Variants in ZFP62 observed in about 807,000 individuals in gnomAD.
ZFP62 encodes zinc finger protein 62 homolog.
Under a neutral mutation model 56.4 loss-of-function variants are expected in ZFP62, and 44 were observed. The ratio of observed to expected loss-of-function variants is 0.78; its 90% CI spans 0.61 to 1.00. The LOEUF (loss-of-function observed/expected upper bound fraction) is 1.00. Among genes scored for constraint, ZFP62 ranks in the 50% least tolerant of loss-of-function variants. The pLI, the probability that ZFP62 is intolerant of heterozygous loss-of-function variation, is 0.00. For missense variants in ZFP62, 1,030 were observed against 1,085.7 expected (o/e 0.95, Z 0.72); for synonymous variants, 421 against 388.9 (o/e 1.08, Z -0.97).
At chr5:180,857,813 TA>T (rs201193050) in intron 1 of ZFP62, among the ~76,000 whole-genome samples, 2,700 of 125,568 alleles carry the variant, frequency 0.022, 73 homozygotes, top group African/African-American at 0.074. Context: ...TTTTTTTTTT[TA>T]AATTCAGACT....
At chr5:180,843,114 C>A, downstream of ZFP62, among the ~76,000 whole-genome samples, 1 of 148,436 alleles carries the variant, frequency 6.7e-6, no homozygotes. Flanking sequence ...AAAATAATAA[C>A]ATATTTTAAT....
At chr5:180,829,875 TACAC>T in the ZFP62 span, 1 of 152,212 alleles carries the variant, frequency 6.6e-6, no homozygotes, top group African/African-American at 2.4e-5. Context: ...CAGCTCCTCA[TACAC>T]ACAGCTCATT....
the ZFP62 span, chr5:180,831,585 G>A: frequency 1.3e-5 from 2 of 152,430 alleles, no homozygotes; most frequent in Non-Finnish European, 2.9e-5. Flanking sequence ...CGGGTCTCGC[G>A]GCTGCGGAGA....
chr5:180,829,531 G>A, the ZFP62 span, among the ~76,000 whole-genome samples: 3 of 152,200 alleles, frequency 2.0e-5, no homozygotes, highest in Admixed American at 6.5e-5. Flanking sequence ...TTCTCAGCCG[G>A]CCAACATTTA....
chr5:180,845,124 G>C (rs937922568), downstream of ZFP62, among the ~76,000 whole-genome samples: 2 of 151,914 alleles, frequency 1.3e-5, no homozygotes, highest in Admixed American at 1.3e-4. Flanking sequence ...CTTGAGGTCA[G>C]GAGTTCAAGA....
rs1773491899 is a variant in ZFP62 at position 180,848,340 on chromosome 5, T to C, written c.*452A>G. On this transcript the variant is annotated 3_prime_UTR_variant, in exon 2 of 2. Coordinates refer to ENST00000502412, the MANE Select transcript of ZFP62 (RefSeq NM_001172638.2). ...CCCTGAAACCTATCCTCCCTGAATTTGCCTGTTGGAGGCCCTTAGTTTTCC... is the reference window on the plus strand; with the variant it reads ...CCCTGAAACCTATCCTCCCTGAATTCGCCTGTTGGAGGCCCTTAGTTTTCC... 1.0e-6 allele frequency: 1 copy of C among 987,290 alleles called. No individual in the cohort carries two copies. Among genetic ancestry groups the C allele is most frequent in the South Asian group, 4.7e-5 (1 of 21,364 alleles). The allele number at this position is 987,290 out of a possible 1,614,324, so 61.2% of individuals were successfully genotyped here. A position where few individuals can be genotyped will look rare whatever the true frequency, so the allele number is the denominator to read the frequency against.
At position 180,849,514 on chromosome 5, in the gene ZFP62, T is replaced by G; in HGVS notation, c.1981A>C (p.Lys661Gln). Reference protein sequence around the residue: ...EKVFRNNSSLKVHKRIHTGER... With the variant: ...EKVFRNNSSLQVHKRIHTGER... Reference sequence around the variant, plus strand: ...CCAGTATGGATTCTTTTATGAACTTTAAGGCTTGAGTTGTTTCTGAAGACC... The same window carrying G: ...CCAGTATGGATTCTTTTATGAACTTGAAGGCTTGAGTTGTTTCTGAAGACC... The change falls in exon 2 of 2, where the codon AAA becomes CAA. Residue 661 changes from lysine to glutamine, a missense_variant. Coordinates refer to ENST00000502412, the MANE Select transcript of ZFP62 (RefSeq NM_001172638.2). 6.4e-7 allele frequency: 1 copy of G among 1,552,252 alleles called. No homozygotes were observed. Among genetic ancestry groups the G allele is most frequent in the Non-Finnish European group, 8.7e-7 (1 of 1,147,128 alleles).
At chr5:180,846,018 C>T (rs1225206406), downstream of ZFP62, 1 of 318,206 alleles carries the variant, frequency 3.1e-6, no homozygotes, top group African/African-American at 2.3e-5. Context: ...TTTCCCTCCC[C>T]CTTTATTTTT....
chr5:180,827,593 A>G, the ZFP62 span, among the ~76,000 whole-genome samples: 3 of 152,242 alleles, frequency 2.0e-5, no homozygotes, highest in Non-Finnish European at 4.4e-5. Context: ...GAGGAAAGCC[A>G]GGTATTGTCC....
chr5:180,835,711 T>C, the ZFP62 span: 1 of 152,256 alleles, frequency 6.6e-6, no homozygotes, highest in African/African-American at 2.4e-5. Context: ...ATAAACTTCT[T>C]GTGCAGTTTT....
rs187156768 is a variant in ZFP62 at position 180,848,792 on chromosome 5, C to T, written c.2703G>A (p.Ter901=). 33 of 1,521,686 alleles carry T rather than the reference C, an allele frequency of 2.2e-5. No individual in the cohort carries two copies. Among genetic ancestry groups the T allele is most frequent in the Admixed American group, 6.3e-5 (3 of 47,750 alleles). The allele number at this position is 1,521,686 out of a possible 1,614,324, so 94.3% of individuals were successfully genotyped here. The change falls in exon 2 of 2, where the codon TAG becomes TAA. Residue 901 remains the stop codon, a stop_retained_variant. Coordinates refer to ENST00000502412, the MANE Select transcript of ZFP62 (RefSeq NM_001172638.2). The part of the protein sequence containing the change: ...LDGGRMRMPL[*] ...GGAGAGACTTGGTAAGCTCTGCCTG[C>T]TACAGAGGCATCCTCATCCTGCCCC...
the ZFP62 span, among the ~76,000 whole-genome samples, chr5:180,832,319 A>C: frequency 6.6e-6 from 1 of 151,942 alleles, no homozygotes; most frequent in Non-Finnish European, 1.5e-5. Context: ...TGCCTGGCTA[A>C]TTTTTGCATT....
At chr5:180,843,055 A>AT (rs752875697), downstream of ZFP62, among the ~76,000 whole-genome samples, 1,920 of 146,022 alleles carry the variant, frequency 0.013, 27 homozygotes, top group African/African-American at 0.021. Context: ...AAAAAAAAAT[A>AT]AATAAATAAA....
the ZFP62 span, among the ~76,000 whole-genome samples, chr5:180,833,078 G>T: frequency 6.6e-6 from 1 of 152,160 alleles, no homozygotes; most frequent in Non-Finnish European, 1.5e-5. Context: ...GGTTCATTCC[G>T]TTACGAATGG....
At chr5:180,830,437 G>A in the ZFP62 span, 2 of 152,412 alleles carry the variant, frequency 1.3e-5, no homozygotes, top group Non-Finnish European at 2.9e-5. Context: ...GGGCACAAGA[G>A]GGGAGTAGGT....
At chr5:180,859,969 A>G (rs1461229635) in intron 1 of ZFP62, among the ~76,000 whole-genome samples, 2 of 152,250 alleles carry the variant, frequency 1.3e-5, no homozygotes, top group Non-Finnish European at 2.9e-5. Context: ...GACAACCCAA[A>G]TGCCCCCGAA....
the ZFP62 span, among the ~76,000 whole-genome samples, chr5:180,842,417 C>T: frequency 6.6e-6 from 1 of 151,954 alleles, no homozygotes; most frequent in African/African-American, 2.4e-5. Context: ...AAAATCCACA[C>T]CAAAATAAAA....
In ZFP62 at chr5:180,850,940, C is replaced by A. The variant is rs756548925; in HGVS notation, c.555G>T (p.Arg185=). 1 of 1,558,404 alleles carries A rather than the reference C, an allele frequency of 6.4e-7. No individual in the cohort carries two copies. Among genetic ancestry groups the A allele is most frequent in the Non-Finnish European group, 8.7e-7 (1 of 1,151,348 alleles). Residue 185 remains arginine, a synonymous_variant, in exon 2 of 2, where the codon CGG becomes CGT. Transcript: ENST00000502412. ...CCCCAGTGTGGATCCGTTTGTGGACCCGAAGGCTCGAGCTGCTCCGGAAAG... is the reference window on the plus strand; with the variant it reads ...CCCCAGTGTGGATCCGTTTGTGGACACGAAGGCTCGAGCTGCTCCGGAAAG... ...GGTFRSSSSL[R]VHKRIHTGEK...
chr5:180,843,499 A>G (rs1773356146), downstream of ZFP62, among the ~76,000 whole-genome samples: 1 of 152,332 alleles, frequency 6.6e-6, no homozygotes, highest in East Asian at 1.9e-4. Flanking sequence ...AAAGAAAGAG[A>G]AATGCCATAT....
Sources: gnomAD v4.1 joint callset for allele counts (sites outside exome capture counted in the v4.1 genomes callset) on GRCh38, gnomAD v4.1.1 for gene constraint, MANE v1.5 for transcripts, NCBI Gene and HGNC (gene_info 2026-07-23, HGNC 2026-07-21) for gene names.